Variants in ESYT1 observed in about 807,000 individuals in gnomAD.
The protein encoded by ESYT1 is extended synaptotagmin-1.
A neutral mutation model predicts 154.2 loss-of-function variants in ESYT1; 116 were observed. The ratio of observed to expected loss-of-function variants is 0.75; its 90% CI spans 0.65 to 0.88. The LOEUF (loss-of-function observed/expected upper bound fraction) is 0.88, where lower values mean the gene tolerates loss of function less well. ESYT1 is among the 40% of genes least tolerant of loss of function. The pLI is 0.00. For missense variants in ESYT1, 1,264 were observed against 1,379.3 expected, an observed-to-expected ratio of 0.92 and a Z score of 1.32; for synonymous variants, 500 against 539.9, an observed-to-expected ratio of 0.93 and a Z score of 1.02.
rs1014533168 is a variant in ESYT1, at chr12:56,131,454, T to C, written c.715-23T>C. ...AGAGGGACTTTTCTGGGGAAAGGCT[T>C]TGATTTTCTCTTCTTGCCTCAGCTA... On this transcript the variant is annotated intron_variant, in intron 5 of 30. Coordinates refer to ENST00000394048, the MANE Select transcript of ESYT1 (RefSeq NM_015292.3). 4.3e-6 allele frequency: 7 copies of C among 1,613,856 alleles called. No individual in the cohort carries two copies. In the Admixed American group the frequency reaches 1.2e-4, roughly 27 times the overall value.
In ESYT1 at chr12:56,136,775, G is replaced by A. The variant is rs1870475665; in HGVS notation, c.1664G>A (p.Gly555Glu). The stretch of plus-strand genomic sequence containing the variant: ...GATGATTCCAGGGCCCTGACTTTAG[G>A]AGCACTGACGCTGCCTCTGGCCCGC... The part of the protein sequence containing the change: ...VKDDSRALTL[G>E]ALTLPLARLL... Residue 555 changes from glycine (G) to glutamate (E), a missense_variant, in exon 16 of 31, where the codon GGA (glycine) becomes GAA (glutamate). By Grantham distance (98) the Gly-to-Glu change is moderately conservative (BLOSUM62 -2). Transcript: ENST00000394048. 6.2e-7 allele frequency: 1 copy of A among 1,611,940 alleles called. No individual in the cohort carries two copies. The highest frequency in any genetic ancestry group is 8.5e-7 in the Non-Finnish European group (1 of 1,178,646).
At position 56,131,269 on chromosome 12, in the gene ESYT1, G is replaced by A. The variant is rs758253035; in HGVS notation, c.667G>A (p.Val223Met). 7 of 1,614,202 alleles carry A rather than the reference G, an allele frequency of 4.3e-6. No individual in the cohort carries two copies. Among genetic ancestry groups the A allele is most frequent in the Non-Finnish European group, 5.9e-6 (7 of 1,180,040 alleles). ...ISYVGDVQID[V>M]EVKKYFCKAG... is the part of the protein sequence containing the mutation. Reference sequence around the variant, plus strand: ...CTATGTAGGTGATGTGCAGATTGATGTGGAAGTGAAGAAATATTTTTGCAA... The same window carrying A: ...CTATGTAGGTGATGTGCAGATTGATATGGAAGTGAAGAAATATTTTTGCAA... The change falls in exon 5 of 31, where the codon GTG becomes ATG. Residue 223 changes from valine to methionine, a missense_variant. Physicochemically the swap from Val to Met is conservative, Grantham distance 21 (BLOSUM62 1). Coordinates refer to ENST00000394048, the MANE Select transcript of ESYT1 (RefSeq NM_015292.3).
intron 24 of ESYT1, 77 bp downstream of exon 24, chr12:56,139,090 G>A: frequency 9.2e-7 from 1 of 1,083,246 alleles, no homozygotes; most frequent in Non-Finnish European, 1.4e-6. Context: ...AGAGCATTCA[G>A]AGATGAGATA....
chr12:56,137,603 G>T lies in ESYT1; in HGVS notation c.2043G>T (p.Lys681Asn), dbSNP rs778671563. The T allele has an allele frequency of 1.2e-6, 2 of 1,614,058 alleles. No homozygotes were observed. Among genetic ancestry groups the T allele is most frequent in the Admixed American group, 1.7e-5 (1 of 60,000 alleles). The stretch of plus-strand genomic sequence containing the variant: ...AGTCAGACCCCTATGTCAAACTAAA[G>T]TTGGCAGGACGAAGCTTCCGGAGCC... ...KGKSDPYVKL[K>N]LAGRSFRSHV... Residue 681 changes from lysine (K) to asparagine (N), a missense_variant, in exon 18 of 31, where the codon AAG (lysine) becomes AAT (asparagine). By Grantham distance (94) the Lys-to-Asn change is moderately conservative. Transcript: ENST00000394048.
intron 2 of ESYT1, 25 bp from the exon 3 acceptor site, chr12:56,130,764 CCT>C (rs1432311230): frequency 6.2e-7 from 1 of 1,613,608 alleles, no homozygotes; most frequent in Admixed American, 1.7e-5. Flanking sequence ...ACTGGACTCT[CCT>C]CTGACCATCT....
In ESYT1 at chr12:56,128,408, C is replaced by G; in HGVS notation, c.89C>G (p.Ala30Gly). The G allele has an allele frequency of 2.5e-6, 4 of 1,612,006 alleles. No individual in the cohort carries two copies. Among genetic ancestry groups the G allele is most frequent in the Non-Finnish European group, 3.4e-6 (4 of 1,178,950 alleles). The change falls in exon 1 of 31, where the codon GCT becomes GGT. Residue 30 changes from alanine (A) to glycine (G), a missense_variant. Transcript: ENST00000394048. ...GACCCCACTGACCAGCCCCCCGCTG[C>G]TCACGCAAAGCCAGACCCAGGTTCT... ...PSDPTDQPPA[A>G]HAKPDPGSGG... is the part of the protein sequence containing the mutation.
chr12:56,137,695 G>T lies in ESYT1; in HGVS notation c.2115+20G>T. ...TTTGAGGTCAGAATTGAGTGGCTGT[G>T]ACTCCTGGTTCTGCCCCATTTTTCC... On this transcript the variant is annotated intron_variant, in intron 18 of 30. Transcript: ENST00000394048. 1 of 1,611,922 alleles carries T rather than the reference G, an allele frequency of 6.2e-7. No individual in the cohort carries two copies. Among genetic ancestry groups the T allele is most frequent in the South Asian group, 1.1e-5 (1 of 90,896 alleles).
At chr12:56,134,885 C>T (rs1269403242) in intron 15 of ESYT1, among the ~76,000 whole-genome samples, 1 of 152,120 alleles carries the variant, frequency 6.6e-6, no homozygotes, top group Non-Finnish European at 1.5e-5. Context: ...AGGCATGAGC[C>T]ACTGCACCTG....
intron 3 of ESYT1, 42 bp from the exon 4 acceptor site, chr12:56,130,998 C>T: frequency 6.2e-7 from 1 of 1,614,124 alleles, no homozygotes. Flanking sequence ...TCAGGTACTT[C>T]TCCCTATCCC....
In ESYT1 at chr12:56,143,623, C is replaced by G. The variant is rs2136889320; in HGVS notation, c.3269C>G (p.Ala1090Gly). The change falls in exon 30 of 31, where the codon GCC (alanine) becomes GGC (glycine). Residue 1090 changes from alanine to glycine, a missense_variant. By Grantham distance (60) the Ala-to-Gly change is moderately conservative. Coordinates refer to ENST00000394048, the MANE Select transcript of ESYT1 (RefSeq NM_015292.3). Reference protein sequence around the residue: ...LAETDLSQGVARWYDLMDNKD... With the variant: ...LAETDLSQGVGRWYDLMDNKD... ...GAGACAGACCTTTCCCAGGGTGTAG[C>G]CCGGTGGTGAGTGTCTGCGTGGGTG... The G allele has an allele frequency of 6.2e-7, 1 of 1,613,408 alleles. No homozygotes were observed. The highest frequency in any genetic ancestry group is 1.1e-5 in the South Asian group (1 of 91,024).
At position 56,144,003 on chromosome 12, in the gene ESYT1, C is replaced by A; in HGVS notation, c.*141C>A. The A allele has an allele frequency of 6.5e-7, 1 of 1,540,828 alleles. No homozygotes were observed. On this transcript the variant is annotated 3_prime_UTR_variant, in exon 31 of 31. Transcript: ENST00000394048. ...CCCTTTCACCTAACAGGCCCATATT[C>A]GGGCCTTTGCCTGACCAAAGAGAAG... is the stretch of plus-strand genomic sequence containing the variant.
rs774883662 is a variant in ESYT1, at chr12:56,138,240, AC to A, written c.2311del (p.Arg771ValfsTer7). On this transcript the variant is annotated frameshift_variant, in exon 21 of 31. Transcript: ENST00000394048. LOFTEE classifies it high-confidence loss of function. ...CCTGCACTTGCGCCTGGAGCGTCTC[AC>A]CCCCCGTCCCACTGCTGCTGAGTTA... ...GRLHLRLERL[T>X]PRPTAAELEE... 1 of 1,613,760 alleles carries A rather than the reference AC, an allele frequency of 6.2e-7. No individual in the cohort carries two copies. The highest frequency in any genetic ancestry group is 1.7e-5 in the Admixed American group (1 of 59,964).
intron 8 of ESYT1, 27 bp downstream of exon 8, chr12:56,132,359 T>A (rs1870272462): frequency 6.2e-7 from 1 of 1,613,968 alleles, no homozygotes; most frequent in African/African-American, 1.3e-5. Flanking sequence ...ACTAGATAGA[T>A]CCTTCTCTCA....
chr12:56,134,549 C>A lies in ESYT1; in HGVS notation c.1632+121C>A, dbSNP rs1037405840. On this transcript the variant is annotated intron_variant, in intron 15 of 30. Coordinates refer to ENST00000394048, the MANE Select transcript of ESYT1 (RefSeq NM_015292.3). ...TTTTTAATCCATCTACCTAGACTCC[C>A]CACCTCCCTGAATATCTCTCCATTG... The A allele has an allele frequency of 7.5e-6, 6 of 802,182 alleles. No homozygotes were observed. In the African/African-American group the frequency reaches 8.5e-5, roughly 11 times the overall value. The allele number at this position is 802,182 out of a possible 1,614,324, so 49.7% of individuals were successfully genotyped here.
rs905163474 is a variant in ESYT1, at chr12:56,144,050, C to T, written c.*188C>T. On this transcript the variant is annotated 3_prime_UTR_variant, in exon 31 of 31. Coordinates refer to ENST00000394048, the MANE Select transcript of ESYT1 (RefSeq NM_015292.3). ...GAAGAACCGTATGTTCCCTTTACTG[C>T]ACGGCCTTTATCCTTCTGGGCCCCT... 5 of 1,449,330 alleles carry T rather than the reference C, an allele frequency of 3.4e-6. No homozygotes were observed. In the African/African-American group the frequency reaches 7.1e-5, roughly 21 times the overall value. 89.8% of individuals were successfully genotyped at this position (1,449,330 alleles called of 1,614,324 possible). A position where few individuals can be genotyped will look rare whatever the true frequency, so the allele number is the denominator to read the frequency against.
chr12:56,130,047 G>A (rs1870168253), intron 1 of ESYT1, among the ~76,000 whole-genome samples: 1 of 152,202 alleles, frequency 6.6e-6, no homozygotes, highest in Non-Finnish European at 1.5e-5. Context: ...CTGGGTAGCT[G>A]GGATTACAGT....
Position 56,142,554 on chromosome 12 carries a change from A to C in ESYT1, c.2734-24A>C, listed in dbSNP as rs1209523469. The stretch of plus-strand genomic sequence containing the variant: ...TGAGGGAACTGAGAGAACTCTGCCC[A>C]GCTCACAGCTTTCTTGCCCCTAGAT... On this transcript the variant is annotated intron_variant, in intron 25 of 30. Coordinates refer to ENST00000394048, the MANE Select transcript of ESYT1 (RefSeq NM_015292.3). This position sits in a 1 kb window ranked among gnomAD's most constrained non-coding sequence, Gnocchi z 4.1. 1 of 1,614,072 alleles carries C rather than the reference A, an allele frequency of 6.2e-7. No homozygotes were observed. Among genetic ancestry groups the C allele is most frequent in the African/African-American group, 1.3e-5 (1 of 75,046 alleles).
At chr12:56,141,714 T>G (rs960970421) in intron 24 of ESYT1, among the ~76,000 whole-genome samples, 5 of 152,152 alleles carry the variant, frequency 3.3e-5, no homozygotes, top group African/African-American at 1.2e-4. Flanking sequence ...CACTCCAGCC[T>G]GGGCAACAGA....
At position 56,137,477 on chromosome 12, in the gene ESYT1, C is replaced by T. The variant is rs200992525; in HGVS notation, c.1939-22C>T. The T allele has an allele frequency of 4.5e-5, 72 of 1,608,118 alleles. No individual in the cohort carries two copies. In the South Asian group the frequency reaches 7.3e-4, roughly 16 times the overall value. On this transcript the variant is annotated intron_variant, in intron 17 of 30. Coordinates refer to ENST00000394048, the MANE Select transcript of ESYT1 (RefSeq NM_015292.3). ...AGGTCTCTCTCCCTTTGCCATCTGG[C>T]ACCCCCCCGTCCCTTTTGCAGCATG...
Sources: allele counts gnomAD v4.1 joint callset (sites outside exome capture counted in the v4.1 genomes callset), GRCh38; gene constraint gnomAD v4.1.1; non-coding constraint Gnocchi (gnomAD v3.1); transcripts MANE v1.5; gene names NCBI Gene and HGNC (gene_info 2026-07-23, HGNC 2026-07-21).